Variants in OPHN1 observed in about 807,000 individuals in gnomAD.
OPHN1 encodes oligophrenin-1.
In OPHN1, 11 loss-of-function variants were observed where a neutral mutation model predicts 60.7. The observed-to-expected ratio is 0.18, with a 90% confidence interval of 0.11 to 0.30. The LOEUF is 0.30. Among genes scored for constraint, OPHN1 ranks in the 10% least tolerant of loss-of-function variants. The probability of loss-of-function intolerance (pLI) is 1.00; values close to 1 mark genes in which losing one functional copy is unlikely to be tolerated. For synonymous variants in OPHN1, 226 were observed against 222.6 expected (o/e 1.02, Z -0.14); for missense variants, 449 against 611.0 (o/e 0.73, Z 2.80).
chrX:68,078,653 C>T (rs902241381), intron 19 of OPHN1, among the ~76,000 whole-genome samples: 11 of 110,822 alleles, frequency 9.9e-5, no homozygotes, highest in African/African-American at 1.3e-4. Context: ...TCACAGATGG[C>T]GTCACCTCAT....
intron 5 of OPHN1, among the ~76,000 whole-genome samples, chrX:68,244,965 A>G (rs1301957497): frequency 9.0e-6 from 1 of 111,562 alleles, no homozygotes; most frequent in Non-Finnish European, 1.9e-5. Flanking sequence ...TCGACAATAT[A>G]CTAGGTTATA....
rs1376324235 is a variant in OPHN1, at chrX:68,078,341, T to A, written c.1687-5042A>T. 6.3e-5 allele frequency among the ~76,000 whole-genome samples: 7 copies of A among 111,334 alleles called. No homozygotes were observed. In the Admixed American group the frequency reaches 6.7e-4, roughly 11 times the overall value. On this transcript the variant is annotated intron_variant, in intron 19 of 24. Transcript: ENST00000355520. The stretch of plus-strand genomic sequence containing the variant: ...GCTGAAAAATGTTGGTCTAGAATAA[T>A]GAAGAGGAATAACAAATGAGAATAT...
At chrX:68,243,308 C>T (rs1440063550) in intron 5 of OPHN1, among the ~76,000 whole-genome samples, 1 of 111,403 alleles carries the variant, frequency 9.0e-6, no homozygotes, top group African/African-American at 3.3e-5. Flanking sequence ...GTGATGGTTG[C>T]ATATCATTTT....
intron 6 of OPHN1, among the ~76,000 whole-genome samples, chrX:68,230,027 G>T (rs1298786108): frequency 9.0e-6 from 1 of 111,652 alleles, no homozygotes; most frequent in Non-Finnish European, 1.9e-5. Flanking sequence ...GACAAAGGGC[G>T]AATATCCAGA....
chrX:68,426,409 C>A (rs1267080734), intron 2 of OPHN1, among the ~76,000 whole-genome samples: 1 of 106,214 alleles, frequency 9.4e-6, no homozygotes, highest in Non-Finnish European at 1.9e-5. Context: ...CCACTGTACT[C>A]CAGCCTGGGT....
chrX:68,173,142 C>A (rs2147424314), intron 15 of OPHN1, among the ~76,000 whole-genome samples: 1 of 110,910 alleles, frequency 9.0e-6, no homozygotes, highest in African/African-American at 3.3e-5. Context: ...TCAGAGGTAA[C>A]CTGCTTTGGT....
rs779416274 is a variant in OPHN1, at chrX:68,149,686, A to T, written c.1277-30354T>A. ...TATGGAAAAACTGGGATCCTCATAC[A>T]TTGCTGTTGGGAATGTAGAATGGTT... On this transcript the variant is annotated intron_variant, in intron 15 of 24. Coordinates refer to ENST00000355520, the MANE Select transcript of OPHN1 (RefSeq NM_002547.3). Among the ~76,000 whole-genome samples the T allele has an allele frequency of 4.5e-5, 5 of 111,128 alleles. No individual in the cohort carries two copies. The East Asian group carries it at 1.4e-3, about 31-fold the overall frequency.
intron 21 of OPHN1, among the ~76,000 whole-genome samples, chrX:68,063,603 T>C (rs934386781): frequency 1.3e-4 from 15 of 111,906 alleles, no homozygotes; most frequent in African/African-American, 4.9e-4. Flanking sequence ...TATCAGCAAT[T>C]AGTACAGTGC....
chrX:68,312,100 ATTTTT>A (rs112240586), intron 2 of OPHN1, among the ~76,000 whole-genome samples: 24 of 92,253 alleles, frequency 2.6e-4, no homozygotes, highest in African/African-American at 8.8e-4. Flanking sequence ...ATTATATTCT[ATTTTT>A]TTTTTTTTTT....
chrX:68,176,220 G>T, intron 15 of OPHN1, among the ~76,000 whole-genome samples: 1 of 111,427 alleles, frequency 9.0e-6, no homozygotes, highest in Middle Eastern at 4.6e-3. Flanking sequence ...AGATAAATTG[G>T]GCTACAACAA....
intron 3 of OPHN1, among the ~76,000 whole-genome samples, chrX:68,288,798 G>T (rs1370646294): frequency 1.8e-5 from 2 of 111,444 alleles, no homozygotes; most frequent in African/African-American, 3.3e-5. Flanking sequence ...AAAGACAAAA[G>T]AAAAAGGCAA....
Position 68,192,907 on chromosome X carries a change from TA to T in OPHN1, c.1276+11del. On this transcript the variant is annotated intron_variant, in intron 15 of 24. Transcript: ENST00000355520. ...GTACTCCCAATAAGAATTATCAAAG[TA>T]AAATTGTTACCAAAAAAGGCATTCA... 1 of 1,185,071 alleles carries T rather than the reference TA, an allele frequency of 8.4e-7. No homozygotes were observed.
rs991222761 is a variant in OPHN1 at position 68,113,368 on chromosome X, T to C, written c.1362-129A>G. 7.5e-6 allele frequency: 4 copies of C among 534,195 alleles called. No homozygotes were observed. In the African/African-American group the frequency reaches 9.3e-5, roughly 12 times the overall value. 44.0% of individuals were successfully genotyped at this position (534,195 alleles called of 1,213,427 possible). On this transcript the variant is annotated intron_variant, in intron 16 of 24. Transcript: ENST00000355520. Reference sequence around the variant, plus strand: ...TAGTGGGATTATATACATTTTTCTCTTCACCTGAAGCTTCGTCAGGGAATC... The same window carrying C: ...TAGTGGGATTATATACATTTTTCTCCTCACCTGAAGCTTCGTCAGGGAATC...
chrX:68,375,053 T>C (rs1160335038), intron 2 of OPHN1, among the ~76,000 whole-genome samples: 1 of 112,352 alleles, frequency 8.9e-6, no homozygotes, highest in African/African-American at 3.2e-5. Flanking sequence ...TAGAAAATGG[T>C]TTGGCAGTTT....
intron 19 of OPHN1, among the ~76,000 whole-genome samples, chrX:68,082,008 C>T (rs183987129): frequency 7.6e-4 from 85 of 112,285 alleles, no homozygotes; most frequent in African/African-American, 2.6e-3. Flanking sequence ...ACAATGTTCA[C>T]AGCATCTTCA....
chrX:68,357,638 A>T (rs1272802149), intron 2 of OPHN1, among the ~76,000 whole-genome samples: 2 of 110,944 alleles, frequency 1.8e-5, no homozygotes, highest in African/African-American at 6.6e-5. Flanking sequence ...ACATTTTCTT[A>T]ATCCAGTCTA....
chrX:68,310,994 C>A (rs1279459877), intron 2 of OPHN1, among the ~76,000 whole-genome samples: 1 of 112,224 alleles, frequency 8.9e-6, no homozygotes, highest in Non-Finnish European at 1.9e-5. Flanking sequence ...ATGGCTCATG[C>A]CTGTAATTCC....
intron 3 of OPHN1, among the ~76,000 whole-genome samples, chrX:68,294,473 CAAAAAAAAA>C (rs570989143): frequency 0.017 from 186 of 10,653 alleles, 1 homozygote; most frequent in African/African-American, 0.043. Context: ...GACTCTATCA[CAAAAAAAAA>C]AAAAAAAAAA....
rs1366726953 is a variant in OPHN1, at chrX:68,043,137, C to T, written c.*4035G>A. Reference sequence around the variant, plus strand: ...ATCGCAAGAACAAAAAACCAAACACCGCATATTCTCACTCATAGGTGGGAA... The same window carrying T: ...ATCGCAAGAACAAAAAACCAAACACTGCATATTCTCACTCATAGGTGGGAA... On this transcript the variant is annotated 3_prime_UTR_variant, in exon 25 of 25. Transcript: ENST00000355520. 2.8e-4 allele frequency: 12 copies of T among 43,589 alleles called. No homozygotes were observed. The East Asian group carries it at 9.6e-3, about 35-fold the overall frequency. 3.6% of individuals were successfully genotyped at this position (43,589 alleles called of 1,213,427 possible).
Sources: gnomAD v4.1 joint callset for allele counts (sites outside exome capture counted in the v4.1 genomes callset) on GRCh38, gnomAD v4.1.1 for gene constraint, MANE v1.5 for transcripts, NCBI Gene and HGNC (gene_info 2026-07-23, HGNC 2026-07-21) for gene names.